ZMIZ1: variants seen among roughly 807,000 people sequenced by gnomAD.
The protein encoded by ZMIZ1 is zinc finger MIZ-type containing 1, also known as zinc finger MIZ domain-containing protein 1.
In ZMIZ1, 17 loss-of-function variants were observed where a neutral mutation model predicts 113.9. That is an observed-to-expected ratio of 0.15 (90% CI 0.10 to 0.22). ZMIZ1 has a LOEUF of 0.22. Ranked by LOEUF, ZMIZ1 falls within the 10% of genes least tolerant of loss-of-function variation. The probability of loss-of-function intolerance (pLI) is 1.00; values close to 1 mark genes in which losing one functional copy is unlikely to be tolerated. For missense variants in ZMIZ1, 1,059 were observed against 1,477.8 expected (o/e 0.72, Z 4.65); for synonymous variants, 607 against 603.1 (o/e 1.01, Z -0.09).
At chr10:79,157,951 T>C (rs533272778) in intron 3 of ZMIZ1, among the ~76,000 whole-genome samples, 1 of 149,882 alleles carries the variant, frequency 6.7e-6, no homozygotes, top group South Asian at 2.1e-4. Context: ...ATCTGTAAAA[T>C]GACAGTAGAA....
At chr10:79,302,908 C>T (rs1378121089) in intron 18 of ZMIZ1, among the ~76,000 whole-genome samples, 1 of 144,454 alleles carries the variant, frequency 6.9e-6, no homozygotes, top group Non-Finnish European at 1.5e-5. Flanking sequence ...GTCGTCCAGG[C>T]TGGAGTGCAG....
At chr10:79,168,659 G>A (rs943933214) in intron 4 of ZMIZ1, among the ~76,000 whole-genome samples, 3 of 152,218 alleles carry the variant, frequency 2.0e-5, no homozygotes, top group East Asian at 1.9e-4. Flanking sequence ...GGCTGTGTGC[G>A]GACTCCACGA....
intron 14 of ZMIZ1, among the ~76,000 whole-genome samples, chr10:79,297,910 G>A (rs914704000): frequency 3.3e-5 from 5 of 152,114 alleles, no homozygotes; most frequent in African/African-American, 4.8e-5. Flanking sequence ...GGCTAGTCTT[G>A]AAAACAAGGA....
intron 7 of ZMIZ1, among the ~76,000 whole-genome samples, chr10:79,229,628 A>T (rs186843181): frequency 1.2e-4 from 19 of 152,322 alleles, no homozygotes; most frequent in African/African-American, 4.6e-4. Context: ...AGCGCACAGG[A>T]TAAGCTAAAT....
At chr10:79,266,775 G>T (rs913700448) in intron 7 of ZMIZ1, among the ~76,000 whole-genome samples, 2 of 152,184 alleles carry the variant, frequency 1.3e-5, no homozygotes, top group Non-Finnish European at 2.9e-5. Context: ...TCCTATTTCT[G>T]GGGCACCCAG....
At chr10:79,219,531 C>T (rs1021415295) in intron 7 of ZMIZ1, among the ~76,000 whole-genome samples, 1 of 152,208 alleles carries the variant, frequency 6.6e-6, no homozygotes, top group Non-Finnish European at 1.5e-5. Context: ...GGCAGCCCTC[C>T]ATTTCCTTTG....
At chr10:79,204,416 G>A (rs1404856011) in intron 5 of ZMIZ1, among the ~76,000 whole-genome samples, 1 of 152,180 alleles carries the variant, frequency 6.6e-6, no homozygotes, top group Non-Finnish European at 1.5e-5. Flanking sequence ...GCTCTACATG[G>A]AGAGCCCTGC....
Position 79,140,182 on chromosome 10 carries a change from T to C in ZMIZ1, c.-131+405T>C, listed in dbSNP as rs1004728310. ...TAAGGCTACGAGGTCCACAGTGCCA[T>C]GTGGGGCTTGAGAAGGGAGGATTTT... On this transcript the variant is annotated intron_variant, in intron 3 of 24. Transcript: ENST00000334512. 3.9e-5 allele frequency among the ~76,000 whole-genome samples: 6 copies of C among 152,214 alleles called. 1 individual carries two copies. Among genetic ancestry groups the C allele is most frequent in the African/African-American group, 1.4e-4 (6 of 41,452 alleles).
rs767926160 is a variant in ZMIZ1, at chr10:79,299,059, A to G, written c.1676A>G (p.Asn559Ser). The change falls in exon 16 of 25, where the codon AAT becomes AGT. Residue 559 changes from asparagine to serine, a missense_variant. Physicochemically the swap from Asn to Ser is conservative, Grantham distance 46 (BLOSUM62 1). This residue lies in a region of ZMIZ1 where 239 missense variants were observed against 247.5 expected (regional missense o/e 0.97). Coordinates refer to ENST00000334512, the MANE Select transcript of ZMIZ1 (RefSeq NM_020338.4). The stretch of plus-strand genomic sequence containing the variant: ...CCTCTCCTCGCCCCAGCCAACCACA[A>G]TGACGAGCTGCGGCTCACATTCCCT... ...SALPPPPANH[N>S]DELRLTFPVR... 4.3e-6 allele frequency: 7 copies of G among 1,609,916 alleles called. No homozygotes were observed. The highest frequency in any genetic ancestry group is 4.0e-5 in the African/African-American group (3 of 74,870).
rs554123939 is a variant in ZMIZ1 at position 79,273,195 on chromosome 10, G to A, written c.281-3986G>A. On this transcript the variant is annotated intron_variant, in intron 7 of 24. Coordinates refer to ENST00000334512, the MANE Select transcript of ZMIZ1 (RefSeq NM_020338.4). ...AGATCTTGCTGGAGGAGAGGGGGCA[G>A]TGGGTACTGCCATAGCTGTACTGTC... Among the ~76,000 whole-genome samples, 4 of 152,352 alleles carry A rather than the reference G, an allele frequency of 2.6e-5. No homozygotes were observed. The South Asian group carries it at 8.3e-4, about 32-fold the overall frequency.
intron 1 of ZMIZ1, among the ~76,000 whole-genome samples, chr10:79,108,891 C>A (rs1474634588): frequency 6.6e-6 from 1 of 152,104 alleles, no homozygotes; most frequent in South Asian, 2.1e-4. Context: ...ACCGAGGCCC[C>A]TGTGCATGCA....
At chr10:79,091,772 G>A (rs1170589172) in intron 1 of ZMIZ1, among the ~76,000 whole-genome samples, 3 of 152,196 alleles carry the variant, frequency 2.0e-5, no homozygotes, top group African/African-American at 7.2e-5. Flanking sequence ...AAGAACAGAG[G>A]CCAAGTTTCT....
intron 7 of ZMIZ1, among the ~76,000 whole-genome samples, chr10:79,219,999 T>G (rs1848897308): frequency 6.6e-6 from 1 of 152,108 alleles, no homozygotes; most frequent in South Asian, 2.1e-4. Flanking sequence ...GCGGTTTTAT[T>G]TGAGGGGTGA....
chr10:79,249,149 T>G (rs1299978147), intron 7 of ZMIZ1, among the ~76,000 whole-genome samples: 2 of 152,196 alleles, frequency 1.3e-5, no homozygotes, highest in Non-Finnish European at 2.9e-5. Flanking sequence ...TTCCTGCCTC[T>G]CACTTCTGCT....
intron 2 of ZMIZ1, among the ~76,000 whole-genome samples, chr10:79,126,655 A>G (rs58567997): frequency 0.11 from 16,253 of 152,210 alleles, 1,441 homozygotes; most frequent in African/African-American, 0.23. Context: ...GCAGAAGGAA[A>G]GAAGGTTATA....
At chr10:79,114,488 T>C (rs1721011816) in intron 1 of ZMIZ1, among the ~76,000 whole-genome samples, 72 of 96,772 alleles carry the variant, frequency 7.4e-4, no homozygotes, top group East Asian at 3.1e-3. Context: ...TGTGTGTGTG[T>C]GTGTGCGTGT....
intron 7 of ZMIZ1, among the ~76,000 whole-genome samples, chr10:79,250,753 G>A (rs960269480): frequency 6.6e-6 from 1 of 152,220 alleles, no homozygotes; most frequent in South Asian, 2.1e-4. Context: ...TGGGCTTGCA[G>A]AATAAGGACT....
At chr10:79,271,286 G>A (rs553865549) in intron 7 of ZMIZ1, among the ~76,000 whole-genome samples, 25 of 152,362 alleles carry the variant, frequency 1.6e-4, no homozygotes, top group African/African-American at 5.5e-4. Flanking sequence ...CTTCTCTACT[G>A]AGCGAGGCAG....
chr10:79,301,982 C>T (rs1854333079), intron 17 of ZMIZ1, 125 bp from the exon 18 acceptor site: 3 of 858,330 alleles, frequency 3.5e-6, no homozygotes, highest in Non-Finnish European at 5.7e-6. Context: ...TCCCAGGAGA[C>T]ACCCTGGGGG....
Sources: gnomAD v4.1 joint callset for allele counts (sites outside exome capture counted in the v4.1 genomes callset) on GRCh38, gnomAD v4.1.1 for gene constraint, gnomAD v4.1.1 regional missense constraint, MANE v1.5 for transcripts, NCBI Gene and HGNC (gene_info 2026-07-23, HGNC 2026-07-21) for gene names.